Variants in PLXNA4 observed in about 807,000 individuals in gnomAD.
The protein encoded by PLXNA4 is plexin-A4.
In PLXNA4, 44 loss-of-function variants were observed where a neutral mutation model predicts 191.8. The ratio of observed to expected loss-of-function variants is 0.23; its 90% confidence interval spans 0.18 to 0.29. The LOEUF (loss-of-function observed/expected upper bound fraction) is 0.29. Among genes scored for constraint, PLXNA4 ranks in the 10% least tolerant of loss-of-function variants. The pLI, the probability that PLXNA4 is intolerant of heterozygous loss-of-function variation, is 1.00. For synonymous variants in PLXNA4, 1,082 were observed against 1,009.5 expected (o/e 1.07, Z -1.36); for missense variants, 1,800 against 2,488.8 (o/e 0.72, Z 5.89).
intron 4 of PLXNA4, among the ~76,000 whole-genome samples, chr7:132,294,253 G>T (rs73157263): frequency 3.3e-5 from 5 of 152,112 alleles, no homozygotes; most frequent in African/African-American, 1.2e-4. Context: ...GGAACAACCA[G>T]GACAAAGATC....
At chr7:132,130,712 G>A in intron 31 of PLXNA4, 138 bp from the exon 32 acceptor site, 3 of 1,301,714 alleles carry the variant, frequency 2.3e-6, no homozygotes, top group Non-Finnish European at 3.2e-6. Context: ...GGACACTGCG[G>A]GGTAGGAGGA....
chr7:132,381,342 A>G (rs901534035), intron 3 of PLXNA4, among the ~76,000 whole-genome samples: 2 of 152,202 alleles, frequency 1.3e-5, no homozygotes, highest in African/African-American at 4.8e-5. Context: ...ATTTTCCTAA[A>G]TTGTACACTT....
At chr7:132,288,153 C>T (rs1036760625) in intron 4 of PLXNA4, among the ~76,000 whole-genome samples, 3 of 152,214 alleles carry the variant, frequency 2.0e-5, no homozygotes, top group African/African-American at 7.2e-5. Flanking sequence ...CTGCTGGTGA[C>T]TCTGGATGAC....
At chr7:132,264,685 T>C (rs1404638694) in intron 4 of PLXNA4, among the ~76,000 whole-genome samples, 1 of 18,732 alleles carries the variant, frequency 5.3e-5, no homozygotes, top group Non-Finnish European at 8.1e-5. Flanking sequence ...TCCTCCCCGC[T>C]TTTTTTTTTT....
At chr7:132,620,688 G>A (rs1431566689) in intron 2 of PLXNA4, among the ~76,000 whole-genome samples, 1 of 152,170 alleles carries the variant, frequency 6.6e-6, no homozygotes, top group Non-Finnish European at 1.5e-5. Flanking sequence ...TATAAATGAT[G>A]TAATAGGATA....
At position 132,384,555 on chromosome 7, in the gene PLXNA4, T is replaced by C. The variant is rs903791948; in HGVS notation, c.1372-86333A>G. On this transcript the variant is annotated intron_variant, in intron 3 of 31. Transcript: ENST00000321063. ...ACCAATTAACTTTTTTTGGGTGCTCTCCTGGACCAGATGCCAACAGAGCTT... is the reference window on the plus strand; with the variant it reads ...ACCAATTAACTTTTTTTGGGTGCTCCCCTGGACCAGATGCCAACAGAGCTT... 14 of 987,916 alleles carry C rather than the reference T, an allele frequency of 1.4e-5. No homozygotes were observed. The African/African-American group carries it at 1.7e-4, about 12-fold the overall frequency. 61.2% of individuals were successfully genotyped at this position (987,916 alleles called of 1,614,324 possible). A position where few individuals can be genotyped will look rare whatever the true frequency, so the allele number is the denominator to read the frequency against.
chr7:132,345,502 A>G (rs1406754514), intron 3 of PLXNA4, among the ~76,000 whole-genome samples: 5 of 152,220 alleles, frequency 3.3e-5, no homozygotes, highest in Non-Finnish European at 5.9e-5. Flanking sequence ...CTAGCTTGCT[A>G]TGTTATTGTC....
At position 132,293,993 on chromosome 7, in the gene PLXNA4, C is replaced by T. The variant is rs1343776615; in HGVS notation, c.1503+4098G>A. Among the ~76,000 whole-genome samples the T allele has an allele frequency of 5.9e-5, 9 of 152,188 alleles. No homozygotes were observed. The East Asian group carries it at 1.2e-3, about 20-fold the overall frequency. On this transcript the variant is annotated intron_variant, in intron 4 of 31. Transcript: ENST00000321063. ...TCAGTGCTGTTCTAGGGGTAACACA[C>T]AAGTAAACTAAAGAGACTAAAAAAC... is the stretch of plus-strand genomic sequence containing the variant.
At chr7:132,395,421 G>T (rs1330100093) in intron 3 of PLXNA4, among the ~76,000 whole-genome samples, 1 of 152,196 alleles carries the variant, frequency 6.6e-6, no homozygotes, top group Non-Finnish European at 1.5e-5. Context: ...ACCTTGGGAG[G>T]GACCCCAGAG....
chr7:132,163,776 C>T (rs1323562849), intron 24 of PLXNA4, among the ~76,000 whole-genome samples: 1 of 152,162 alleles, frequency 6.6e-6, no homozygotes, highest in Non-Finnish European at 1.5e-5. Flanking sequence ...CTCTCTGTCC[C>T]CCACTCTCTG....
intron 3 of PLXNA4, among the ~76,000 whole-genome samples, chr7:132,439,015 C>T (rs1318628974): frequency 2.0e-5 from 3 of 152,154 alleles, no homozygotes; most frequent in East Asian, 1.9e-4. Context: ...CAATTATTAC[C>T]GTGTATAACG....
chr7:132,578,543 G>C (rs1802340206), upstream of PLXNA4, among the ~76,000 whole-genome samples: 1 of 152,092 alleles, frequency 6.6e-6, no homozygotes, highest in Non-Finnish European at 1.5e-5. Flanking sequence ...CACAGAAATC[G>C]AAGTTGTGTG....
At chr7:132,616,784 C>T (rs775839256) in intron 2 of PLXNA4, among the ~76,000 whole-genome samples, 23 of 152,076 alleles carry the variant, frequency 1.5e-4, no homozygotes, top group Admixed American at 2.6e-4. Context: ...GAAAACACTG[C>T]GTTTACCCAC....
At chr7:132,565,405 G>T (rs947092160) in intron 1 of PLXNA4, among the ~76,000 whole-genome samples, 3 of 152,142 alleles carry the variant, frequency 2.0e-5, no homozygotes, top group Admixed American at 6.6e-5. Context: ...ACAAAAATAG[G>T]CCTGGAAAAA....
At chr7:132,323,841 A>T (rs2116651842) in intron 3 of PLXNA4, among the ~76,000 whole-genome samples, 1 of 151,968 alleles carries the variant, frequency 6.6e-6, no homozygotes, top group South Asian at 2.1e-4. Flanking sequence ...AAGATACACC[A>T]CCCTCTGTGC....
rs1022377296 is a variant in PLXNA4, at chr7:132,341,292, T to C, written c.1372-43070A>G. On this transcript the variant is annotated intron_variant, in intron 3 of 31. Transcript: ENST00000321063. ...GCAGCCTTTAACACACCATATTTTATCTAATCTAAGGCACCAATTGTACAG... is the reference window on the plus strand; with the variant it reads ...GCAGCCTTTAACACACCATATTTTACCTAATCTAAGGCACCAATTGTACAG... 8.5e-5 allele frequency among the ~76,000 whole-genome samples: 13 copies of C among 152,220 alleles called. 1 individual carries two copies. The highest frequency in any genetic ancestry group is 6.8e-3 in the Middle Eastern group (2 of 294).
chr7:132,627,421 G>A (rs1034676471), intron 2 of PLXNA4, among the ~76,000 whole-genome samples: 1 of 151,894 alleles, frequency 6.6e-6, no homozygotes, highest in Non-Finnish European at 1.5e-5. Context: ...GCTGATCCAT[G>A]GTGTATACTA....
intron 2 of PLXNA4, among the ~76,000 whole-genome samples, chr7:132,627,524 A>G (rs966093201): frequency 9.2e-5 from 14 of 152,168 alleles, no homozygotes; most frequent in Non-Finnish European, 1.9e-4. Context: ...TATCATTTGA[A>G]TGTATATGTC....
At chr7:132,561,214 G>A (rs778373728) in intron 1 of PLXNA4, among the ~76,000 whole-genome samples, 7 of 151,994 alleles carry the variant, frequency 4.6e-5, no homozygotes, top group Non-Finnish European at 1.0e-4. Flanking sequence ...CTCTGCTTAT[G>A]AGTTCACAAA....
Sources: gnomAD v4.1 joint callset for allele counts (sites outside exome capture counted in the v4.1 genomes callset) on GRCh38, gnomAD v4.1.1 for gene constraint, MANE v1.5 for transcripts, NCBI Gene and HGNC (gene_info 2026-07-23, HGNC 2026-07-21) for gene names.